ACSL5: variants seen among roughly 807,000 people sequenced by gnomAD.
ACSL5 encodes acyl-CoA synthetase long chain family member 5.
Under a neutral mutation model 84.9 loss-of-function variants are expected in ACSL5, and 50 were observed. That is an observed-to-expected ratio of 0.59 (90% CI 0.47 to 0.75). The LOEUF is 0.75. Ranked by LOEUF, ACSL5 falls within the 30% of genes least tolerant of loss-of-function variation. The pLI, the probability that ACSL5 is intolerant of heterozygous loss-of-function variation, is 0.00. For missense variants in ACSL5, 775 were observed against 830.4 expected, an observed-to-expected ratio of 0.93 and a Z score of 0.82; for synonymous variants, 280 against 300.7, an observed-to-expected ratio of 0.93 and a Z score of 0.71.
At position 112,413,281 on chromosome 10, in the gene ACSL5, C is replaced by T. The variant is rs776754164; in HGVS notation, c.1057C>T (p.Arg353Ter). Residue 353 changes from arginine (R) to a stop codon, truncating the protein, a stop_gained, in exon 12 of 21, where the codon CGA (arginine) becomes TGA (stop). Transcript: ENST00000354655. LOFTEE classifies it high-confidence loss of function. ...GCCCACATTGTTTCCCGCGGTGCCT[C>T]GACTCCTTAACAGGATCTACGATAA... is the stretch of plus-strand genomic sequence containing the variant. Reference protein sequence around the residue: ...LKPTLFPAVPRLLNRIYDKVQ... With the variant: ...LKPTLFPAVP 1.9e-6 allele frequency: 3 copies of T among 1,614,146 alleles called. No individual in the cohort carries two copies. The highest frequency in any genetic ancestry group is 8.5e-7 in the Non-Finnish European group (1 of 1,180,016).
chr10:112,397,529 C>T (rs1195353290), intron 2 of ACSL5, among the ~76,000 whole-genome samples: 6 of 152,132 alleles, frequency 3.9e-5, no homozygotes, highest in South Asian at 2.1e-4. Flanking sequence ...CTCTGCGCTG[C>T]GTTTTCTTAC....
intron 1 of ACSL5, among the ~76,000 whole-genome samples, chr10:112,378,224 CTTGTTT>C (rs1849279109): frequency 2.3e-5 from 2 of 86,642 alleles, no homozygotes; most frequent in African/African-American, 4.4e-5. Context: ...TCTTCTTCTT[CTTGTTT>C]TTTTTTTTTT....
intron 1 of ACSL5, chr10:112,376,230 A>C: frequency 6.4e-7 from 1 of 1,558,262 alleles, no homozygotes; most frequent in Non-Finnish European, 8.7e-7. Context: ...CGAGCACGTT[A>C]GAAAGCCTGA....
chr10:112,415,236 G>A (rs1433785215), intron 12 of ACSL5, among the ~76,000 whole-genome samples: 1 of 151,878 alleles, frequency 6.6e-6, no homozygotes, highest in Non-Finnish European at 1.5e-5. Flanking sequence ...GTCTCGCTCT[G>A]TCGCCCAGGC....
At chr10:112,389,889 G>A (rs558620763) in intron 1 of ACSL5, among the ~76,000 whole-genome samples, 9 of 152,124 alleles carry the variant, frequency 5.9e-5, no homozygotes, top group Middle Eastern at 3.4e-3. Flanking sequence ...TCCTCTCAGC[G>A]CTAATCTTGT....
chr10:112,404,466 G>T (rs759297041), intron 3 of ACSL5, 45 bp from the exon 4 acceptor site: 3 of 1,494,130 alleles, frequency 2.0e-6, no homozygotes, highest in Non-Finnish European at 1.9e-6. Context: ...TTGGTCCAGA[G>T]AATTTGCAAC....
rs1466708812 is a variant in ACSL5 at position 112,402,292 on chromosome 10, A to G, written c.266-2219A>G. Among the ~76,000 whole-genome samples, 3 of 152,178 alleles carry G rather than the reference A, an allele frequency of 2.0e-5. No individual in the cohort carries two copies. In the East Asian group the frequency reaches 5.8e-4, roughly 29 times the overall value. On this transcript the variant is annotated intron_variant, in intron 3 of 20. Transcript: ENST00000354655. ...CCCCAGTATACTTTCTTAGACATTC[A>G]TCAGCTCTACCACTTGCTGAGTGAG...
Position 112,395,734 on chromosome 10 carries a change from T to G in ACSL5, c.156+632T>G, listed in dbSNP as rs1360970662. 3 of 152,348 alleles carry G rather than the reference T, an allele frequency of 2.0e-5. No individual in the cohort carries two copies. In the East Asian group the frequency reaches 5.8e-4, roughly 29 times the overall value. The allele number at this position is 152,348 out of a possible 1,614,324, so 9.4% of individuals were successfully genotyped here. A position where few individuals can be genotyped will look rare whatever the true frequency, so the allele number is the denominator to read the frequency against. Reference sequence around the variant, plus strand: ...CCAAGAATGTTCTCTTCGTTTATCCTTCCTTCTGCGCCCATGAATATCTTC... The same window carrying G: ...CCAAGAATGTTCTCTTCGTTTATCCGTCCTTCTGCGCCCATGAATATCTTC... On this transcript the variant is annotated intron_variant, in intron 2 of 20. Coordinates refer to ENST00000354655, the MANE Select transcript of ACSL5 (RefSeq NM_203379.2).
At position 112,409,627 on chromosome 10, in the gene ACSL5, A is replaced by T; in HGVS notation, c.653A>T (p.Asp218Val). The T allele has an allele frequency of 6.2e-7, 1 of 1,614,158 alleles. No individual in the cohort carries two copies. Among genetic ancestry groups the T allele is most frequent in the Non-Finnish European group, 8.5e-7 (1 of 1,180,006 alleles). The change falls in exon 7 of 21, where the codon GAC becomes GTC. Residue 218 changes from aspartate (D) to valine (V), a missense_variant. Coordinates refer to ENST00000354655, the MANE Select transcript of ACSL5 (RefSeq NM_203379.2). Reference protein sequence around the residue: ...VIILMDPFDDDLKQRGEKSGI... With the variant: ...VIILMDPFDDVLKQRGEKSGI... ...ATCCTTATGGACCCCTTTGATGATGACCTGAAGCAAAGAGGGGAGAAGAGT... is the reference window on the plus strand; with the variant it reads ...ATCCTTATGGACCCCTTTGATGATGTCCTGAAGCAAAGAGGGGAGAAGAGT...
intron 12 of ACSL5, among the ~76,000 whole-genome samples, chr10:112,416,151 A>G (rs1844307520): frequency 6.6e-6 from 1 of 152,088 alleles, no homozygotes. Context: ...AGGGAGAGGG[A>G]GGAAGACATG....
At chr10:112,422,701 C>A (rs769644642) in intron 17 of ACSL5, among the ~76,000 whole-genome samples, 2 of 151,638 alleles carry the variant, frequency 1.3e-5, no homozygotes, top group African/African-American at 4.8e-5. Flanking sequence ...ACTAAAAATA[C>A]AAAAATTAGC....
intron 15 of ACSL5, 26 bp from the exon 16 acceptor site, chr10:112,421,921 A>C: frequency 6.2e-7 from 1 of 1,606,614 alleles, no homozygotes; most frequent in African/African-American, 1.3e-5. Context: ...AGAGTTTCTC[A>C]GCTAATTCAG....
At chr10:112,400,426 T>C (rs1459619067) in intron 3 of ACSL5, among the ~76,000 whole-genome samples, 1 of 141,712 alleles carries the variant, frequency 7.1e-6, no homozygotes, top group Non-Finnish European at 1.6e-5. Context: ...TTTTTTTTTT[T>C]TGAGATGGAG....
At position 112,395,102 on chromosome 10, in the gene ACSL5, G is replaced by A; in HGVS notation, c.156G>A (p.Glu52=). ...LDLNNQSVGI[E]GGARKGVSQK... ...TGAACAATCAGTCTGTGGGAATTGA[G>A]GTAATTTACCAGTCATCCTTTTAGT... is the stretch of plus-strand genomic sequence containing the variant. Residue 52 remains glutamate (E), a splice_region_variant and synonymous_variant, in exon 2 of 21, where the codon GAG becomes GAA. Transcript: ENST00000354655. The A allele has an allele frequency of 6.2e-7, 1 of 1,610,722 alleles. No individual in the cohort carries two copies. The highest frequency in any genetic ancestry group is 8.5e-7 in the Non-Finnish European group (1 of 1,177,600).
chr10:112,410,019 T>A (rs1339995134), intron 7 of ACSL5: 1 of 290,836 alleles, frequency 3.4e-6, no homozygotes, highest in Non-Finnish European at 5.1e-6. Flanking sequence ...CCTTGGGCAA[T>A]CTCATCTCCC....
chr10:112,419,060 G>A (rs913453651), intron 14 of ACSL5, among the ~76,000 whole-genome samples: 17 of 151,704 alleles, frequency 1.1e-4, no homozygotes, highest in Admixed American at 3.3e-4. Context: ...ATAAATCCAC[G>A]CAAGAAGGGA....
Position 112,392,461 on chromosome 10 carries a change from G to T in ACSL5, c.-29-2457G>T, listed in dbSNP as rs182720783. Among the ~76,000 whole-genome samples, 283 of 120,650 alleles carry T rather than the reference G, an allele frequency of 2.3e-3. 1 individual carries two copies. Among genetic ancestry groups the T allele is most frequent in the African/African-American group, 6.9e-3 (274 of 39,726 alleles). 79.2% of individuals were successfully genotyped at this position (120,650 alleles called of 152,430 possible). ...GTCTTTACAAAAAATTAAAGAATTGGCCAGGTACGGTGGCTCACACCTGTA... is the reference window on the plus strand; with the variant it reads ...GTCTTTACAAAAAATTAAAGAATTGTCCAGGTACGGTGGCTCACACCTGTA... On this transcript the variant is annotated intron_variant, in intron 1 of 20. Transcript: ENST00000354655.
Position 112,399,111 on chromosome 10 carries a change from A to G in ACSL5, c.265+102A>G, listed in dbSNP as rs568578637. On this transcript the variant is annotated intron_variant, in intron 3 of 20. Transcript: ENST00000354655. ...TCTAAAACCCCAGCTATTTAGATGC[A>G]GTGATCCAAGTAGAATCGCAACATG... 95 of 938,130 alleles carry G rather than the reference A, an allele frequency of 1.0e-4. No homozygotes were observed. The South Asian group carries it at 1.3e-3, about 13-fold the overall frequency. The allele number at this position is 938,130 out of a possible 1,614,324, so 58.1% of individuals were successfully genotyped here.
intron 3 of ACSL5, among the ~76,000 whole-genome samples, chr10:112,403,364 C>T (rs745996818): frequency 6.6e-5 from 10 of 152,206 alleles, no homozygotes; most frequent in African/African-American, 1.7e-4. Flanking sequence ...CTCAACTCAT[C>T]GCAACTTCCA....
Sources: allele counts gnomAD v4.1 joint callset (sites outside exome capture counted in the v4.1 genomes callset), GRCh38; gene constraint gnomAD v4.1.1; transcripts MANE v1.5; gene names NCBI Gene and HGNC (gene_info 2026-07-23, HGNC 2026-07-21).